Variants in NR5A2 observed in about 807,000 individuals in gnomAD.
NR5A2 encodes CYP7A promoter-binding factor.
In NR5A2, 26 loss-of-function variants were observed where a neutral mutation model predicts 62.7. The observed-to-expected ratio is 0.41, with a 90% CI of 0.30 to 0.58. The LOEUF is 0.58. Among genes scored for constraint, NR5A2 ranks in the 20% least tolerant of loss-of-function variants. The pLI is 0.22. For missense variants in NR5A2, 541 were observed against 669.1 expected, an observed-to-expected ratio of 0.81 and a Z score of 2.11; for synonymous variants, 246 against 241.7, an observed-to-expected ratio of 1.02 and a Z score of -0.16.
chr1:200,175,258 G>A lies in NR5A2; in HGVS notation c.*1048G>A, dbSNP rs931192804. 5 of 152,378 alleles carry A rather than the reference G, an allele frequency of 3.3e-5. No individual in the cohort carries two copies. Among genetic ancestry groups the A allele is most frequent in the Admixed American group, 6.5e-5 (1 of 15,286 alleles). The allele number at this position is 152,378 out of a possible 1,614,324, so 9.4% of individuals were successfully genotyped here. A position where few individuals can be genotyped will look rare whatever the true frequency, so the allele number is the denominator to read the frequency against. ...TAATCTATGCAAAGAGAAAGGAAAGGATGAGGTGATGTATTGACTCAAGGT... is the reference window on the plus strand; with the variant it reads ...TAATCTATGCAAAGAGAAAGGAAAGAATGAGGTGATGTATTGACTCAAGGT... On this transcript the variant is annotated 3_prime_UTR_variant, in exon 8 of 8. Coordinates refer to ENST00000367362, the MANE Select transcript of NR5A2 (RefSeq NM_205860.3).
intron 5 of NR5A2, among the ~76,000 whole-genome samples, chr1:200,086,067 C>T (rs769644561): frequency 3.3e-5 from 5 of 151,956 alleles, no homozygotes; most frequent in South Asian, 2.1e-4. Context: ...TGTTTTTACT[C>T]GTGAGTCGTT....
At chr1:200,087,210 T>A (rs1664592217) in intron 5 of NR5A2, among the ~76,000 whole-genome samples, 1 of 150,164 alleles carries the variant, frequency 6.7e-6, no homozygotes, top group South Asian at 2.1e-4. Context: ...CAAATGTCCC[T>A]CTCCCTTCAA....
intron 7 of NR5A2, among the ~76,000 whole-genome samples, chr1:200,173,176 A>G (rs16846217): frequency 0.025 from 3,816 of 152,304 alleles, 69 homozygotes; most frequent in Admixed American, 0.054. Context: ...CTGCATAGTC[A>G]TCAGGAGTTA....
chr1:200,055,305 C>T (rs1261499435), intron 5 of NR5A2, among the ~76,000 whole-genome samples: 1 of 152,118 alleles, frequency 6.6e-6, no homozygotes, highest in African/African-American at 2.4e-5. Context: ...AAGTGATTCT[C>T]CTGCCTCAGC....
rs767393832 is a variant in NR5A2, at chr1:200,034,783, C to CTT, written c.65-4845_65-4844dup. Among the ~76,000 whole-genome samples the CTT allele has an allele frequency of 5.6e-3, 399 of 71,244 alleles. 11 individuals are homozygous for CTT. The highest frequency in any genetic ancestry group is 0.014 in the Middle Eastern group (1 of 72). 46.7% of individuals were successfully genotyped at this position (71,244 alleles called of 152,430 possible). A position where few individuals can be genotyped will look rare whatever the true frequency, so the allele number is the denominator to read the frequency against. On this transcript the variant is annotated intron_variant, in intron 1 of 7. Coordinates refer to ENST00000367362, the MANE Select transcript of NR5A2 (RefSeq NM_205860.3). ...GTTATTCACACGTGCAGCAGAAAGG[C>CTT]TTTTTTTTTTTTTTTTTTTTTTTTT...
intron 1 of NR5A2, among the ~76,000 whole-genome samples, chr1:200,031,475 A>G (rs1661544189): frequency 6.6e-6 from 1 of 152,056 alleles, no homozygotes; most frequent in Non-Finnish European, 1.5e-5. Context: ...TGATTGTGCC[A>G]TTGAACTCCA....
chr1:200,166,468 C>T (rs1458392153), intron 7 of NR5A2, among the ~76,000 whole-genome samples: 5 of 152,158 alleles, frequency 3.3e-5, no homozygotes, highest in Non-Finnish European at 7.3e-5. Flanking sequence ...ATTTAAATGT[C>T]AAATGTATAT....
At chr1:200,044,343 T>G (rs956250755) in intron 3 of NR5A2, 1 of 152,250 alleles carries the variant, frequency 6.6e-6, no homozygotes, top group Non-Finnish European at 1.5e-5. Flanking sequence ...CCCAACTGTG[T>G]GATTTCATCT....
chr1:200,121,442 G>C (rs1046181018), intron 7 of NR5A2, among the ~76,000 whole-genome samples: 3 of 152,158 alleles, frequency 2.0e-5, no homozygotes, highest in African/African-American at 7.2e-5. Flanking sequence ...TTTATAACCA[G>C]ATGCACCACT....
chr1:200,173,426 G>T (rs1654274367), intron 7 of NR5A2, among the ~76,000 whole-genome samples: 1 of 152,178 alleles, frequency 6.6e-6, no homozygotes, highest in Non-Finnish European at 1.5e-5. Flanking sequence ...TGTACCAGAT[G>T]GTTCATTAGC....
chr1:200,045,577 G>A lies in NR5A2; in HGVS notation c.456G>A (p.Lys152=). 6.2e-7 allele frequency: 1 copy of A among 1,608,982 alleles called. No individual in the cohort carries two copies. The highest frequency in any genetic ancestry group is 1.1e-5 in the South Asian group (1 of 90,126). Residue 152 remains lysine, a synonymous_variant, in exon 4 of 8, where the codon AAG becomes AAA. Transcript: ENST00000367362. ...RFQKCLSVGM[K]LEAVRADRMR... Reference sequence around the variant, plus strand: ...AAAAATGTCTAAGTGTTGGAATGAAGCTAGAAGGTAAGATTCTTCTAAAGA... The same window carrying A: ...AAAAATGTCTAAGTGTTGGAATGAAACTAGAAGGTAAGATTCTTCTAAAGA...
rs1228469115 is a variant in NR5A2 at position 200,176,640 on chromosome 1, AC to A, written c.*2431del. The A allele has an allele frequency of 6.6e-6, 1 of 152,196 alleles. No individual in the cohort carries two copies. Among genetic ancestry groups the A allele is most frequent in the Non-Finnish European group, 1.5e-5 (1 of 68,036 alleles). 9.4% of individuals were successfully genotyped at this position (152,196 alleles called of 1,614,324 possible). Reference sequence around the variant, plus strand: ...GAGGGTCTTTAACATTGCCAAAAAAACAAATATGTTGATTTTTATTTTATTT... The same window carrying A: ...GAGGGTCTTTAACATTGCCAAAAAAAAAATATGTTGATTTTTATTTTATTT... On this transcript the variant is annotated 3_prime_UTR_variant, in exon 8 of 8. Transcript: ENST00000367362.
At chr1:200,162,606 T>C (rs536192703) in intron 7 of NR5A2, among the ~76,000 whole-genome samples, 2 of 152,076 alleles carry the variant, frequency 1.3e-5, no homozygotes, top group Non-Finnish European at 2.9e-5. Flanking sequence ...GGGGACAATA[T>C]TGGAGGAATC....
At position 200,131,581 on chromosome 1, in the gene NR5A2, G is replaced by A. The variant is rs529953794; in HGVS notation, c.1378+10626G>A. ...CAAGTGAGAATGCCATGTGCTCTTG[G>A]TTGATGTTTCTCGCTGCTTTAGCTG... On this transcript the variant is annotated intron_variant, in intron 7 of 7. Transcript: ENST00000367362. Among the ~76,000 whole-genome samples the A allele has an allele frequency of 5.3e-5, 8 of 152,314 alleles. No individual in the cohort carries two copies. In the South Asian group the frequency reaches 1.7e-3, roughly 32 times the overall value.
At chr1:200,029,146 G>C in intron 1 of NR5A2, 1 of 419,250 alleles carries the variant, frequency 2.4e-6, no homozygotes, top group Non-Finnish European at 4.8e-6. Flanking sequence ...CTTCCCGGCA[G>C]CTCCGCGCAG....
intron 7 of NR5A2, among the ~76,000 whole-genome samples, chr1:200,144,955 T>G (rs1667617889): frequency 6.6e-6 from 1 of 152,174 alleles, no homozygotes; most frequent in African/African-American, 2.4e-5. Context: ...GCTCTAGCAC[T>G]CCTACTGTTT....
intron 7 of NR5A2, among the ~76,000 whole-genome samples, chr1:200,163,888 T>C (rs919094627): frequency 1.3e-5 from 2 of 152,130 alleles, no homozygotes; most frequent in Non-Finnish European, 2.9e-5. Flanking sequence ...TGATATTGTT[T>C]GGATCCTTGT....
chr1:200,126,703 T>A (rs1666720144), intron 7 of NR5A2, among the ~76,000 whole-genome samples: 1 of 151,030 alleles, frequency 6.6e-6, no homozygotes, highest in Admixed American at 6.6e-5. Context: ...TTTTTTTTAA[T>A]TTTTAGTACA....
At chr1:200,083,938 C>T (rs964908606) in intron 5 of NR5A2, among the ~76,000 whole-genome samples, 12 of 149,870 alleles carry the variant, frequency 8.0e-5, no homozygotes, top group African/African-American at 2.2e-4. Flanking sequence ...GCATTCCAGC[C>T]TGGGCAACAA....
Sources: allele counts gnomAD v4.1 joint callset (sites outside exome capture counted in the v4.1 genomes callset), GRCh38; gene constraint gnomAD v4.1.1; transcripts MANE v1.5; gene names NCBI Gene and HGNC (gene_info 2026-07-23, HGNC 2026-07-21).